Variants in TSNAX observed in about 807,000 individuals in gnomAD.
TSNAX encodes the protein translin-associated protein X.
TSNAX carries 12 observed loss-of-function variants against 33.0 expected under a neutral mutation model. The ratio of observed to expected loss-of-function variants is 0.36; its 90% CI spans 0.23 to 0.59. The LOEUF is 0.59. Ranked by LOEUF, TSNAX falls within the 20% of genes least tolerant of loss-of-function variation. The probability of loss-of-function intolerance (pLI) is 0.74; values close to 1 mark genes in which losing one functional copy is unlikely to be tolerated. For missense variants in TSNAX, 267 were observed against 341.3 expected (o/e 0.78, Z 1.72); for synonymous variants, 110 against 117.2 (o/e 0.94, Z 0.40).
At chr1:231,532,031 C>T (rs997405337) in intron 2 of TSNAX, among the ~76,000 whole-genome samples, 6 of 150,888 alleles carry the variant, frequency 4.0e-5, no homozygotes, top group Admixed American at 2.0e-4. Context: ...GTGATTGGGC[C>T]ACTGCACTCC....
At chr1:231,545,652 T>G (rs147783171) in intron 4 of TSNAX, among the ~76,000 whole-genome samples, 13 of 152,292 alleles carry the variant, frequency 8.5e-5, no homozygotes, top group African/African-American at 3.1e-4. Flanking sequence ...TTTATATCAC[T>G]GATAATGATA....
intron 4 of TSNAX, among the ~76,000 whole-genome samples, chr1:231,555,348 GT>G (rs1660620330): frequency 2.6e-5 from 4 of 152,150 alleles, no homozygotes; most frequent in African/African-American, 4.8e-5. Context: ...GGTACCCAGA[GT>G]AGTCAAAATC....
At chr1:231,529,797 A>G (rs551789959) in intron 2 of TSNAX, among the ~76,000 whole-genome samples, 4 of 152,348 alleles carry the variant, frequency 2.6e-5, no homozygotes, top group African/African-American at 9.6e-5. Context: ...GCATATCTAT[A>G]TACACATATT....
intron 4 of TSNAX, among the ~76,000 whole-genome samples, chr1:231,549,145 T>C (rs1300385527): frequency 1.3e-5 from 2 of 152,130 alleles, no homozygotes; most frequent in African/African-American, 4.8e-5. Flanking sequence ...ATGGAATTGA[T>C]GGGAGACTGG....
Position 231,564,807 on chromosome 1 carries a change from G to A in TSNAX, c.775G>A (p.Ala259Thr). The A allele has an allele frequency of 6.2e-7, 1 of 1,614,138 alleles. No individual in the cohort carries two copies. Residue 259 changes from alanine (A) to threonine (T), a missense_variant, in exon 6 of 6, where the codon GCC (alanine) becomes ACC (threonine). Coordinates refer to ENST00000366639, the MANE Select transcript of TSNAX (RefSeq NM_005999.3). The stretch of plus-strand genomic sequence containing the variant: ...GGCCAAAGTGGAGAATGCTTGTTAT[G>A]CCTTGAAAGTCAGAGGGTCAGAAAT... ...SLAKVENACYALKVRGSEIPK... is the reference protein window; with the variant it reads ...SLAKVENACYTLKVRGSEIPK...
At chr1:231,553,841 C>G (rs549035366) in intron 4 of TSNAX, among the ~76,000 whole-genome samples, 1 of 152,160 alleles carries the variant, frequency 6.6e-6, no homozygotes, top group Non-Finnish European at 1.5e-5. Flanking sequence ...CATGTGCCAC[C>G]ACACCCGGCT....
chr1:231,564,509 TG>T lies in TSNAX; in HGVS notation c.496-18del. The T allele has an allele frequency of 6.3e-7, 1 of 1,599,528 alleles. No individual in the cohort carries two copies. Among genetic ancestry groups the T allele is most frequent in the Admixed American group, 1.7e-5 (1 of 58,916 alleles). Reference sequence around the variant, plus strand: ...TGTGTGTGTGTGTGTGTTTTTGTTTTGTTTTGTTTTTTTACCAGCCCTCCTC... The same window carrying T: ...TGTGTGTGTGTGTGTGTTTTTGTTTTTTTTGTTTTTTTACCAGCCCTCCTC... On this transcript the variant is annotated intron_variant, in intron 5 of 5. Transcript: ENST00000366639.
rs935648574 is a variant in TSNAX at position 231,565,547 on chromosome 1, A to C, written c.*642A>C. 1 of 152,266 alleles carries C rather than the reference A, an allele frequency of 6.6e-6. No individual in the cohort carries two copies. Among genetic ancestry groups the C allele is most frequent in the African/African-American group, 2.4e-5 (1 of 41,430 alleles). The allele number at this position is 152,266 out of a possible 1,614,324, so 9.4% of individuals were successfully genotyped here. A position where few individuals can be genotyped will look rare whatever the true frequency, so the allele number is the denominator to read the frequency against. On this transcript the variant is annotated 3_prime_UTR_variant, in exon 6 of 6. Coordinates refer to ENST00000366639, the MANE Select transcript of TSNAX (RefSeq NM_005999.3). ...AAGACCAGCCTGACCAACGTGGCGA[A>C]ACCTCGTCTCTACTAGAAATACAAA...
chr1:231,535,299 T>G (rs1345578484), intron 2 of TSNAX: 1 of 152,248 alleles, frequency 6.6e-6, no homozygotes, highest in Non-Finnish European at 1.5e-5. Flanking sequence ...CTGGAAAAGG[T>G]AAACAGTCTT....
intron 4 of TSNAX, among the ~76,000 whole-genome samples, chr1:231,551,943 G>A (rs1421030109): frequency 6.6e-6 from 1 of 152,048 alleles, no homozygotes; most frequent in Non-Finnish European, 1.5e-5. Flanking sequence ...AGTGAGCCAC[G>A]ATTGTGCCAC....
intron 4 of TSNAX, 130 bp downstream of exon 4, chr1:231,542,741 T>C (rs1192916199): frequency 2.7e-6 from 3 of 1,116,782 alleles, no homozygotes; most frequent in African/African-American, 3.2e-5. Flanking sequence ...ACTGCAACTT[T>C]GTAGTAATAT....
At chr1:231,533,880 C>G (rs1052245600) in intron 2 of TSNAX, among the ~76,000 whole-genome samples, 1 of 152,168 alleles carries the variant, frequency 6.6e-6, no homozygotes, top group Admixed American at 6.5e-5. Context: ...TTGTATAACT[C>G]TAGTATTGTT....
chr1:231,538,118 A>G (rs1659307740), intron 3 of TSNAX, among the ~76,000 whole-genome samples: 1 of 152,046 alleles, frequency 6.6e-6, no homozygotes, highest in Non-Finnish European at 1.5e-5. Context: ...TTCTTTTTCG[A>G]AAGTTCCTGT....
Position 231,537,314 on chromosome 1 carries a change from C to T in TSNAX, c.223C>T (p.His75Tyr). Residue 75 changes from histidine to tyrosine, a missense_variant, in exon 3 of 6, where the codon CAT becomes TAT. His to Tyr is a moderately conservative substitution (Grantham distance 83). Around this residue, in one of 2 missense-constraint regions of TSNAX, gnomAD observed 200 missense variants for 214.1 expected, o/e 0.93. Coordinates refer to ENST00000366639, the MANE Select transcript of TSNAX (RefSeq NM_005999.3). ...AAGTAAAAGGACAATTTTTCTCCTC[C>T]ATAGGATTACAAGGTGAGTAAGCAT... ...VESKRTIFLL[H>Y]RITSAPDMED... The T allele has an allele frequency of 1.2e-6, 2 of 1,606,092 alleles. No homozygotes were observed. The highest frequency in any genetic ancestry group is 1.7e-6 in the Non-Finnish European group (2 of 1,173,706).
intron 4 of TSNAX, among the ~76,000 whole-genome samples, chr1:231,544,675 T>C (rs1659792856): frequency 6.6e-6 from 1 of 152,160 alleles, no homozygotes; most frequent in African/African-American, 2.4e-5. Flanking sequence ...CAGTGAAGTA[T>C]AAAGATAAAG....
chr1:231,536,896 G>T, intron 2 of TSNAX: 1 of 169,336 alleles, frequency 5.9e-6, no homozygotes, highest in Non-Finnish European at 1.3e-5. Flanking sequence ...GCAGTGACTT[G>T]ATCTCGACTC....
intron 3 of TSNAX, among the ~76,000 whole-genome samples, chr1:231,539,654 G>T (rs1287620595): frequency 1.3e-5 from 2 of 152,068 alleles, no homozygotes; most frequent in Non-Finnish European, 2.9e-5. Context: ...GAAAAATTAC[G>T]AATGGCAGAA....
intron 4 of TSNAX, among the ~76,000 whole-genome samples, chr1:231,545,560 T>C (rs921437580): frequency 1.1e-4 from 16 of 152,178 alleles, no homozygotes; most frequent in African/African-American, 3.1e-4. Context: ...ATTTTTTTTT[T>C]CCCTCTTGTT....
chr1:231,544,680 A>G (rs1659793151), intron 4 of TSNAX, among the ~76,000 whole-genome samples: 2 of 152,238 alleles, frequency 1.3e-5, no homozygotes, highest in Non-Finnish European at 1.5e-5. Flanking sequence ...AAGTATAAAG[A>G]TAAAGAGTTT....
Sources: gnomAD v4.1 joint callset for allele counts (sites outside exome capture counted in the v4.1 genomes callset) on GRCh38, gnomAD v4.1.1 for gene constraint, gnomAD v4.1.1 regional missense constraint, MANE v1.5 for transcripts, NCBI Gene and HGNC (gene_info 2026-07-23, HGNC 2026-07-21) for gene names.